The following CAMTA1 variants were observed in gnomAD, a reference collection of about 807,000 sequenced individuals.
CAMTA1 encodes calmodulin binding transcription activator 1, also known as calmodulin-binding transcription activator 1.
Under a neutral mutation model 170.9 loss-of-function variants are expected in CAMTA1, and 27 were observed. The ratio of observed to expected loss-of-function variants is 0.16; its 90% confidence interval spans 0.12 to 0.22. The LOEUF is 0.22. Among genes scored for constraint, CAMTA1 ranks in the 10% least tolerant of loss-of-function variants. The pLI, the probability that CAMTA1 is intolerant of heterozygous loss-of-function variation, is 1.00. For synonymous variants in CAMTA1, 833 were observed against 891.5 expected, an observed-to-expected ratio of 0.93 and a Z score of 1.17; for missense variants, 1,619 against 2,217.2, an observed-to-expected ratio of 0.73 and a Z score of 5.42.
intron 1 of CAMTA1, among the ~76,000 whole-genome samples, chr1:6,793,328 A>C (rs1641666765): frequency 6.6e-6 from 1 of 152,096 alleles, no homozygotes; most frequent in South Asian, 2.1e-4. Context: ...TCCCCTTATC[A>C]GTTACCACAA....
chr1:6,880,976 A>T (rs1042820184), intron 3 of CAMTA1, among the ~76,000 whole-genome samples: 1 of 152,194 alleles, frequency 6.6e-6, no homozygotes, highest in African/African-American at 2.4e-5. Context: ...GCGTGCTTAT[A>T]TATGCCAATT....
intron 11 of CAMTA1, among the ~76,000 whole-genome samples, chr1:7,725,708 G>A (rs2096680375): frequency 1.3e-5 from 2 of 152,218 alleles, no homozygotes; most frequent in Admixed American, 1.3e-4. Context: ...CATCAGAACT[G>A]CCTGGGACCT....
chr1:7,046,557 C>G (rs1217097004), intron 3 of CAMTA1, among the ~76,000 whole-genome samples: 1 of 152,204 alleles, frequency 6.6e-6, no homozygotes, highest in Non-Finnish European at 1.5e-5. Flanking sequence ...TGTGCTCACT[C>G]TGCAGACATT....
At chr1:7,653,440 T>G (rs2149050615) in intron 7 of CAMTA1, among the ~76,000 whole-genome samples, 1 of 152,174 alleles carries the variant, frequency 6.6e-6, no homozygotes, top group East Asian at 1.9e-4. Flanking sequence ...TGTTTTTATT[T>G]TTTGTAGAGA....
intron 6 of CAMTA1, among the ~76,000 whole-genome samples, chr1:7,639,394 G>A (rs542990672): frequency 2.6e-5 from 4 of 152,276 alleles, no homozygotes; most frequent in South Asian, 4.1e-4. Context: ...AAGAGTGGAC[G>A]AGCTGGATGG....
At chr1:7,125,978 G>C (rs891863116) in intron 4 of CAMTA1, among the ~76,000 whole-genome samples, 6 of 152,176 alleles carry the variant, frequency 3.9e-5, no homozygotes, top group Non-Finnish European at 5.9e-5. Flanking sequence ...TGAACTGACA[G>C]TTCCACATGG....
intron 5 of CAMTA1, among the ~76,000 whole-genome samples, chr1:7,288,231 G>A (rs1308257312): frequency 2.0e-5 from 3 of 152,194 alleles, no homozygotes; most frequent in East Asian, 1.9e-4. Flanking sequence ...CACCGTGGGG[G>A]TATGAGAATA....
chr1:7,421,964 C>T (rs951976925), intron 5 of CAMTA1, among the ~76,000 whole-genome samples: 9 of 147,018 alleles, frequency 6.1e-5, no homozygotes, highest in African/African-American at 1.8e-4. Flanking sequence ...CTCGGTGCGC[C>T]GTGGCTGGGG....
intron 3 of CAMTA1, among the ~76,000 whole-genome samples, chr1:7,036,087 C>T (rs1450213585): frequency 6.6e-6 from 1 of 152,078 alleles, no homozygotes; most frequent in African/African-American, 2.4e-5. Context: ...TAGCAGCTGC[C>T]TCTGAGAGGG....
In CAMTA1 at chr1:7,664,992, C is replaced by T. The variant is rs772155633; in HGVS notation, c.2445C>T (p.Thr815=). The change falls in exon 9 of 23, where the codon ACC becomes ACT. Residue 815 remains threonine (T), a synonymous_variant. Transcript: ENST00000303635. ...QSEDGARAPF[T]QAEMCLPCCS... is the part of the protein sequence containing the mutation. Reference sequence around the variant, plus strand: ...AGGACGGGGCGCGGGCCCCCTTCACCCAGGCAGAGATGTGCCTCCCCTGCT... The same window carrying T: ...AGGACGGGGCGCGGGCCCCCTTCACTCAGGCAGAGATGTGCCTCCCCTGCT... The T allele has an allele frequency of 7.5e-6, 12 of 1,606,910 alleles. No homozygotes were observed. Among genetic ancestry groups the T allele is most frequent in the Non-Finnish European group, 1.0e-5 (12 of 1,176,692 alleles).
intron 3 of CAMTA1, among the ~76,000 whole-genome samples, chr1:6,839,727 T>C (rs1239169732): frequency 6.6e-6 from 1 of 152,066 alleles, no homozygotes; most frequent in Non-Finnish European, 1.5e-5. Flanking sequence ...CTTGAGTATC[T>C]GGGGGAGGAA....
intron 5 of CAMTA1, among the ~76,000 whole-genome samples, chr1:7,258,312 T>C (rs1025990968): frequency 6.6e-6 from 1 of 152,252 alleles, no homozygotes; most frequent in Non-Finnish European, 1.5e-5. Flanking sequence ...CTTATTAAGC[T>C]AGAAACTCCC....
In CAMTA1 at chr1:7,748,161, C is replaced by T. The variant is rs1285051382; in HGVS notation, c.4689+380C>T. Reference sequence around the variant, plus strand: ...TCCTGACCTCAAGTGATCTGCCCGCCTTGGCCTCCCAAAGTGCTGGGATTA... The same window carrying T: ...TCCTGACCTCAAGTGATCTGCCCGCTTTGGCCTCCCAAAGTGCTGGGATTA... On this transcript the variant is annotated intron_variant, in intron 19 of 22. Transcript: ENST00000303635. The surrounding 1 kb of genome is among the most constrained non-coding windows in gnomAD (Gnocchi z 4.7). Among the ~76,000 whole-genome samples the T allele has an allele frequency of 6.6e-6, 1 of 152,080 alleles. No individual in the cohort carries two copies. The highest frequency in any genetic ancestry group is 1.5e-5 in the Non-Finnish European group (1 of 68,012).
At position 7,339,557 on chromosome 1, in the gene CAMTA1, C is replaced by G. The variant is rs575036146; in HGVS notation, c.438+89931C>G. On this transcript the variant is annotated intron_variant, in intron 5 of 22. Transcript: ENST00000303635. ...CCTCTCTTCTCAAAGCACGTTCATG[C>G]TGATCTCACTCTGTTTTGTTTGTTT... Among the ~76,000 whole-genome samples, 5 of 152,222 alleles carry G rather than the reference C, an allele frequency of 3.3e-5. No homozygotes were observed. The South Asian group carries it at 8.3e-4, about 25-fold the overall frequency.
chr1:6,841,543 G>C (rs1412555606), intron 3 of CAMTA1, among the ~76,000 whole-genome samples: 1 of 152,102 alleles, frequency 6.6e-6, no homozygotes, highest in Non-Finnish European at 1.5e-5. Context: ...AGGTGAGGAC[G>C]TGGAGGCTAC....
intron 3 of CAMTA1, among the ~76,000 whole-genome samples, chr1:7,030,639 T>C (rs3986512): frequency 0.28 from 42,062 of 152,100 alleles, 5,918 homozygotes; most frequent in African/African-American, 0.31. Context: ...TCAGAGAATA[T>C]ACTGATAAAT....
chr1:7,590,758 T>C (rs1488853531), intron 6 of CAMTA1, among the ~76,000 whole-genome samples: 1 of 152,122 alleles, frequency 6.6e-6, no homozygotes, highest in Admixed American at 6.5e-5. Flanking sequence ...TCAGAGAGAC[T>C]GGGCAGTGGG....
At chr1:6,916,104 G>T (rs553194109) in intron 3 of CAMTA1, among the ~76,000 whole-genome samples, 59 of 152,228 alleles carry the variant, frequency 3.9e-4, no homozygotes, top group African/African-American at 1.4e-3. Context: ...CAGAGAAGGG[G>T]ACGAGAAGGG....
intron 6 of CAMTA1, among the ~76,000 whole-genome samples, chr1:7,567,931 A>T (rs773302046): frequency 3.0e-4 from 45 of 152,348 alleles, no homozygotes; most frequent in Non-Finnish European, 4.7e-4. Flanking sequence ...CTGTTTCCAC[A>T]TAGTAAAGTG....
Sources: gnomAD v4.1 joint callset for allele counts (sites outside exome capture counted in the v4.1 genomes callset) on GRCh38, gnomAD v4.1.1 for gene constraint, Gnocchi (gnomAD v3.1) non-coding constraint, MANE v1.5 for transcripts, NCBI Gene and HGNC (gene_info 2026-07-23, HGNC 2026-07-21) for gene names.